The following YAP1 variants were observed in gnomAD, a reference collection of about 807,000 sequenced individuals.
The protein encoded by YAP1 is Yes1 associated transcriptional regulator.
In YAP1, 5 loss-of-function variants were observed where a neutral mutation model predicts 56.9. The ratio of observed to expected loss-of-function variants is 0.09; its 90% CI spans 0.05 to 0.18. The LOEUF is 0.18. Among genes scored for constraint, YAP1 ranks in the 10% least tolerant of loss-of-function variants. The probability of loss-of-function intolerance (pLI) is 1.00; values close to 1 mark genes in which losing one functional copy is unlikely to be tolerated. For missense variants in YAP1, 539 were observed against 651.8 expected (o/e 0.83, Z 1.88); for synonymous variants, 265 against 248.1 (o/e 1.07, Z -0.64).
chr11:102,170,340 T>A (rs1001283577), intron 3 of YAP1, among the ~76,000 whole-genome samples: 3 of 152,244 alleles, frequency 2.0e-5, no homozygotes, highest in Admixed American at 6.5e-5. Context: ...GTATTTTTTT[T>A]AATAGTGCCA....
At position 102,139,228 on chromosome 11, in the gene YAP1, T is replaced by TAA. The variant is rs11300137; in HGVS notation, c.573-23216_573-23215dup. ...GATATTCCTAGTTGTTCTCTTGACTTAAAAAAAAAAAAAGTCCATGGTGAC... is the reference window on the plus strand; with the variant it reads ...GATATTCCTAGTTGTTCTCTTGACTTAAAAAAAAAAAAAAAGTCCATGGTGAC... On this transcript the variant is annotated intron_variant, in intron 2 of 8. Transcript: ENST00000282441. Among the ~76,000 whole-genome samples the TAA allele has an allele frequency of 8.4e-4, 124 of 147,558 alleles. 1 individual carries two copies. The highest frequency in any genetic ancestry group is 3.5e-3 in the Middle Eastern group (1 of 286).
At chr11:102,186,311 A>G (rs1947941716) in intron 4 of YAP1, 180 bp downstream of exon 4, 1 of 683,426 alleles carries the variant, frequency 1.5e-6, no homozygotes, top group Admixed American at 3.5e-5. Context: ...TGAGAAATTT[A>G]GATCTGAATC....
chr11:102,206,205 A>G (rs764806912), intron 5 of YAP1, 131 bp downstream of exon 5: 5 of 1,108,512 alleles, frequency 4.5e-6, no homozygotes, highest in Non-Finnish European at 6.4e-6. Flanking sequence ...ACACAGAAGC[A>G]TTCTATCCAG....
chr11:102,118,499 T>A (rs1943443061), intron 2 of YAP1, among the ~76,000 whole-genome samples: 1 of 148,870 alleles, frequency 6.7e-6, no homozygotes, highest in Non-Finnish European at 1.5e-5. Context: ...AGTCTTGCTC[T>A]GTTGACCAGG....
intron 4 of YAP1, among the ~76,000 whole-genome samples, chr11:102,188,073 G>A (rs1212334216): frequency 6.6e-6 from 1 of 152,214 alleles, no homozygotes; most frequent in Non-Finnish European, 1.5e-5. Context: ...TAGAGTGACA[G>A]CAAATAGAGA....
At chr11:102,229,050 A>C (rs1950341447) in intron 8 of YAP1, among the ~76,000 whole-genome samples, 1 of 152,110 alleles carries the variant, frequency 6.6e-6, no homozygotes, top group Non-Finnish European at 1.5e-5. Flanking sequence ...TGTAGCACTT[A>C]ATGGTTTATG....
chr11:102,112,425 C>CTTTTTTTTTTTTTTTTTTT (rs751339753), intron 1 of YAP1: 7 of 704,152 alleles, frequency 9.9e-6, no homozygotes, highest in South Asian at 1.3e-4. Context: ...ATTTCTTCTT[C>CTTTTTTTTTTTTTTTTTTT]TTTTTTTTTT....
chr11:102,190,458 C>G (rs1047975899), intron 4 of YAP1, among the ~76,000 whole-genome samples: 13 of 151,560 alleles, frequency 8.6e-5, no homozygotes, highest in African/African-American at 3.2e-4. Flanking sequence ...TAGTGAAACC[C>G]CATCTCTACT....
intron 2 of YAP1, among the ~76,000 whole-genome samples, chr11:102,129,057 T>C (rs1463075992): frequency 6.6e-6 from 1 of 152,088 alleles, no homozygotes; most frequent in Non-Finnish European, 1.5e-5. Context: ...GTAGGAAAAA[T>C]GTTTATATCT....
At chr11:102,221,460 A>G (rs753783505) in intron 6 of YAP1, among the ~76,000 whole-genome samples, 10 of 152,210 alleles carry the variant, frequency 6.6e-5, no homozygotes, top group Admixed American at 5.2e-4. Flanking sequence ...GCAGTGGCCT[A>G]TGCTTGTAAT....
intron 8 of YAP1, among the ~76,000 whole-genome samples, chr11:102,228,789 T>C (rs1352287494): frequency 6.6e-6 from 1 of 152,084 alleles, no homozygotes; most frequent in African/African-American, 2.4e-5. Flanking sequence ...AGTGCATGAA[T>C]TGGCAGGGAA....
chr11:102,203,298 A>G (rs549949447), intron 4 of YAP1, among the ~76,000 whole-genome samples: 28 of 152,378 alleles, frequency 1.8e-4, no homozygotes, highest in African/African-American at 6.7e-4. Flanking sequence ...AATACAATGT[A>G]TGGACCTTGT....
chr11:102,121,984 G>C (rs1036525256), intron 2 of YAP1, among the ~76,000 whole-genome samples: 2 of 152,090 alleles, frequency 1.3e-5, no homozygotes, highest in African/African-American at 4.8e-5. Context: ...TTTTTGTAGA[G>C]ACCAGGTTTT....
In YAP1 at chr11:102,110,694, G is replaced by C; in HGVS notation, c.-155G>C. ...GGAGGCGCCGGGGCGGGGGATGCGG[G>C]GCCGCGGCGCAGCCCCCCGGCCCTG... On this transcript the variant is annotated 5_prime_UTR_variant, in exon 1 of 9. Transcript: ENST00000282441. 1.8e-6 allele frequency: 1 copy of C among 567,980 alleles called. No individual in the cohort carries two copies. The highest frequency in any genetic ancestry group is 8.5e-5 in the South Asian group (1 of 11,810). The allele number at this position is 567,980 out of a possible 1,614,324, so 35.2% of individuals were successfully genotyped here. A position where few individuals can be genotyped will look rare whatever the true frequency, so the allele number is the denominator to read the frequency against.
chr11:102,225,019 T>G (rs1239881707), intron 7 of YAP1, among the ~76,000 whole-genome samples: 1 of 152,170 alleles, frequency 6.6e-6, no homozygotes, highest in Non-Finnish European at 1.5e-5. Flanking sequence ...TTCTTAAAAC[T>G]TTTGATGAGA....
intron 5 of YAP1, among the ~76,000 whole-genome samples, chr11:102,207,188 G>A (rs1008400917): frequency 6.6e-6 from 1 of 152,086 alleles, no homozygotes; most frequent in Non-Finnish European, 1.5e-5. Context: ...ACTAGTGATA[G>A]ATGTACAGAG....
chr11:102,155,034 C>T (rs536843413), intron 2 of YAP1, among the ~76,000 whole-genome samples: 2 of 152,228 alleles, frequency 1.3e-5, no homozygotes, highest in Admixed American at 6.5e-5. Flanking sequence ...TTAATGGTGG[C>T]CTGTTATATA....
chr11:102,160,809 C>G (rs1172676986), intron 2 of YAP1, among the ~76,000 whole-genome samples: 1 of 152,168 alleles, frequency 6.6e-6, no homozygotes, highest in African/African-American at 2.4e-5. Context: ...GTATCCTATT[C>G]CTTCCTGCTC....
Position 102,110,955 on chromosome 11 carries a change from C to T in YAP1, c.107C>T (p.Pro36Leu). ...GQGPPSGPGQ[P>L]APAATQAAPQ... ...GGCCCGCCGTCCGGACCCGGGCAAC[C>T]GGCACCCGCGGCGACCCAGGCGGCG... Residue 36 changes from proline to leucine, a missense_variant, in exon 1 of 9, where the codon CCG becomes CTG. Around this residue, in one of 4 missense-constraint regions of YAP1, gnomAD observed 106 missense variants for 86.6 expected, o/e 1.22. Transcript: ENST00000282441. 6.6e-7 allele frequency: 1 copy of T among 1,508,950 alleles called. No homozygotes were observed. The highest frequency in any genetic ancestry group is 8.8e-7 in the Non-Finnish European group (1 of 1,130,302). 93.5% of individuals were successfully genotyped at this position (1,508,950 alleles called of 1,614,324 possible).
Sources: allele counts gnomAD v4.1 joint callset (sites outside exome capture counted in the v4.1 genomes callset), GRCh38; gene constraint gnomAD v4.1.1; regional missense constraint gnomAD v4.1.1; transcripts MANE v1.5; gene names NCBI Gene and HGNC (gene_info 2026-07-23, HGNC 2026-07-21).